ZNF512B: variants seen among roughly 807,000 people sequenced by gnomAD.
ZNF512B encodes zinc finger protein 512B.
ZNF512B carries 22 observed loss-of-function variants against 87.8 expected under a neutral mutation model. The ratio of observed to expected loss-of-function variants is 0.25; its 90% CI spans 0.18 to 0.36. ZNF512B has a LOEUF of 0.36. ZNF512B is among the 10% of genes least tolerant of loss of function. The pLI is 1.00. For missense variants in ZNF512B, 1,060 were observed against 1,231.6 expected (o/e 0.86, Z 2.09); for synonymous variants, 524 against 490.9 (o/e 1.07, Z -0.89).
chr20:63,961,855 C>T lies in ZNF512B; in HGVS notation c.2328+87G>A. 4 of 1,387,552 alleles carry T rather than the reference C, an allele frequency of 2.9e-6. No homozygotes were observed. Among genetic ancestry groups the T allele is most frequent in the African/African-American group, 2.9e-5 (2 of 69,780 alleles). The allele number at this position is 1,387,552 out of a possible 1,614,324, so 86.0% of individuals were successfully genotyped here. A position where few individuals can be genotyped will look rare whatever the true frequency, so the allele number is the denominator to read the frequency against. ...AAAAGTAGGGGACAAGGCAGGGTCC[C>T]TCACTACTGTGTGGGAAGCCCGCGT... On this transcript the variant is annotated intron_variant, in intron 15 of 16. Coordinates refer to ENST00000369888, the MANE Select transcript of ZNF512B (RefSeq NM_020713.3). This position sits in a 1 kb window ranked among gnomAD's most constrained non-coding sequence, Gnocchi z 6.4.
Position 63,967,947 on chromosome 20 carries a change from T to C in ZNF512B, c.4A>G (p.Thr2Ala). Residue 2 changes from threonine (T) to alanine (A), a missense_variant, in exon 2 of 17, where the codon ACG (threonine) becomes GCG (alanine). Transcript: ENST00000369888. ...CGGCCTCCAACGCAGAAAGGATCCGTCATCTCTGCAGAGCAAGTAGACAAT... is the reference window on the plus strand; with the variant it reads ...CGGCCTCCAACGCAGAAAGGATCCGCCATCTCTGCAGAGCAAGTAGACAAT... The part of the protein sequence containing the change: M[T>A]DPFCVGGRRL... 1 of 1,608,458 alleles carries C rather than the reference T, an allele frequency of 6.2e-7. No homozygotes were observed. Among genetic ancestry groups the C allele is most frequent in the Non-Finnish European group, 8.5e-7 (1 of 1,176,588 alleles).
chr20:63,967,133 T>C, intron 3 of ZNF512B, 129 bp from the exon 4 acceptor site: 2 of 1,429,526 alleles, frequency 1.4e-6, no homozygotes, highest in Non-Finnish European at 1.9e-6. Context: ...ACCTCGGGAC[T>C]GCAGTGGGAA....
At position 63,964,589 on chromosome 20, in the gene ZNF512B, A is replaced by G. The variant is rs1255402914; in HGVS notation, c.1162T>C (p.Ser388Pro). ...FQLSADTSSG[S>P]LSPGSRPSGG... is the part of the protein sequence containing the mutation. ...GACGGCCTGCTGCCTGGCGACAAGG[A>G]GCCACTGCTGGTGTCTGCACTCAGC... The change falls in exon 6 of 17, where the codon TCC becomes CCC. Residue 388 changes from serine (S) to proline (P), a missense_variant. Coordinates refer to ENST00000369888, the MANE Select transcript of ZNF512B (RefSeq NM_020713.3). 1.2e-6 allele frequency: 2 copies of G among 1,613,092 alleles called. No individual in the cohort carries two copies. Among genetic ancestry groups the G allele is most frequent in the Non-Finnish European group, 1.7e-6 (2 of 1,179,972 alleles).
In ZNF512B at chr20:63,963,420, G is replaced by C. The variant is rs1278298148; in HGVS notation, c.1719C>G (p.Ser573=). 1 of 1,548,624 alleles carries C rather than the reference G, an allele frequency of 6.5e-7. No homozygotes were observed. Among genetic ancestry groups the C allele is most frequent in the South Asian group, 1.2e-5 (1 of 85,046 alleles). ...CGCGCTCCTCCTGCTCGCCCCCTTC[G>C]GAGGCCTCGGCGTCAGAGGGCTGGG... ...HSAKPSDAEA[S]EGGEQEERER... is the part of the protein sequence containing the mutation. Residue 573 remains serine (S), a synonymous_variant, in exon 11 of 17, where the codon TCC becomes TCG. Coordinates refer to ENST00000369888, the MANE Select transcript of ZNF512B (RefSeq NM_020713.3).
chr20:63,962,954 G>A (rs1282057802), intron 12 of ZNF512B, 141 bp downstream of exon 12: 13 of 1,294,874 alleles, frequency 1.0e-5, no homozygotes, highest in Non-Finnish European at 1.0e-5. Flanking sequence ...CCGCCCACCA[G>A]GACACACGTC....
intron 14 of ZNF512B, 87 bp downstream of exon 14, chr20:63,962,186 T>G: frequency 6.9e-7 from 1 of 1,440,816 alleles, no homozygotes; most frequent in Non-Finnish European, 9.4e-7. Flanking sequence ...CTGAAAGCTC[T>G]CAGCCTCTGT....
chr20:63,964,686 A>G lies in ZNF512B; in HGVS notation c.1065T>C (p.Ile355=), dbSNP rs777879670. The change falls in exon 6 of 17, where the codon ATT becomes ATC. Residue 355 remains isoleucine (I), a synonymous_variant. Coordinates refer to ENST00000369888, the MANE Select transcript of ZNF512B (RefSeq NM_020713.3). ...TCTCTGGCCTGGCCTGCTTGGGTGGAATTGGGCAGGTGTCCAGGCTGTCCG... is the reference window on the plus strand; with the variant it reads ...TCTCTGGCCTGGCCTGCTTGGGTGGGATTGGGCAGGTGTCCAGGCTGTCCG... ...RAADSLDTCP[I]PPKQARPENG... is the part of the protein sequence containing the mutation. 5 of 1,611,614 alleles carry G rather than the reference A, an allele frequency of 3.1e-6. No homozygotes were observed. In the East Asian group the frequency reaches 1.1e-4, roughly 36 times the overall value.
Position 63,966,766 on chromosome 20 carries a change from G to T in ZNF512B, c.409C>A (p.Arg137Ser). 6.3e-7 allele frequency: 1 copy of T among 1,597,598 alleles called. No homozygotes were observed. Among genetic ancestry groups the T allele is most frequent in the Non-Finnish European group, 8.5e-7 (1 of 1,171,612 alleles). ...CAGAAGGGGCAGGGGAAGGCCAGGC[G>T]ATCTGAGATGGCACCCTGGGCAGGG... The part of the protein sequence containing the change: ...QRCQGGAISD[R>S]LAFPCPFCEA... The change falls in exon 5 of 17, where the codon CGC (arginine) becomes AGC (serine). Residue 137 changes from arginine (R) to serine (S), a missense_variant. Around this residue, in one of 9 missense-constraint regions of ZNF512B, gnomAD observed 32 missense variants for 68.0 expected, o/e 0.47. Coordinates refer to ENST00000369888, the MANE Select transcript of ZNF512B (RefSeq NM_020713.3).
Position 63,964,668 on chromosome 20 carries a change from C to A in ZNF512B, c.1083G>T (p.Arg361Ser), listed in dbSNP as rs746838910. ...DTCPIPPKQA[R>S]PENGEYGPSS... ...AGGGGCCGTACTCCCCATTCTCTGG[C>A]CTGGCCTGCTTGGGTGGAATTGGGC... The change falls in exon 6 of 17, where the codon AGG (arginine) becomes AGT (serine). Residue 361 changes from arginine (R) to serine (S), a missense_variant. Transcript: ENST00000369888. 1.9e-6 allele frequency: 3 copies of A among 1,612,058 alleles called. No individual in the cohort carries two copies. The highest frequency in any genetic ancestry group is 2.5e-6 in the Non-Finnish European group (3 of 1,179,926).
chr20:63,962,514 C>G, intron 13 of ZNF512B, 73 bp downstream of exon 13: 1 of 1,558,966 alleles, frequency 6.4e-7, no homozygotes. Flanking sequence ...AGTGGCTGTC[C>G]CAAGTCTCAG....
chr20:63,960,168 C>T (rs770073283), intron 16 of ZNF512B, 29 bp from the exon 17 acceptor site: 2 of 1,610,974 alleles, frequency 1.2e-6, no homozygotes, highest in South Asian at 2.2e-5. Flanking sequence ...TGATGAAGAC[C>T]TGGGACTGGA....
Position 63,966,993 on chromosome 20 carries a change from C to T in ZNF512B, c.276G>A (p.Met92Ile). Residue 92 changes from methionine to isoleucine, a missense_variant, in exon 4 of 17, where the codon ATG becomes ATA. Met to Ile is a conservative substitution (Grantham distance 10). Coordinates refer to ENST00000369888, the MANE Select transcript of ZNF512B (RefSeq NM_020713.3). Reference protein sequence around the residue: ...QALRDIPLSLMNDWKDEFKAH... With the variant: ...QALRDIPLSLINDWKDEFKAH... ...CCTTGAACTCATCCTTCCAGTCGTT[C>T]ATCAGGGAGAGCTAGGCGTGGGGAA... is the stretch of plus-strand genomic sequence containing the variant. 6.2e-7 allele frequency: 1 copy of T among 1,613,568 alleles called. No individual in the cohort carries two copies. The highest frequency in any genetic ancestry group is 1.3e-5 in the African/African-American group (1 of 75,060).
At chr20:63,962,556 G>T in intron 13 of ZNF512B, 31 bp downstream of exon 13, 1 of 1,590,210 alleles carries the variant, frequency 6.3e-7, no homozygotes. Flanking sequence ...AGGCCACGGC[G>T]CTGTCCACAG....
chr20:63,964,004 C>G, intron 8 of ZNF512B, 67 bp downstream of exon 8: 1 of 1,593,198 alleles, frequency 6.3e-7, no homozygotes, highest in Non-Finnish European at 8.5e-7. Flanking sequence ...ACTCAGCCCC[C>G]ATCCCTGTGC....
chr20:63,956,720 A>C lies in ZNF512B; in HGVS notation c.*3168T>G. On this transcript the variant is annotated 3_prime_UTR_variant, in exon 17 of 17. Transcript: ENST00000369888. Reference sequence around the variant, plus strand: ...CAAAAACCCTGGAAAAAAATCAATAAACATTTATTTGATACAGTCATTTTA... The same window carrying C: ...CAAAAACCCTGGAAAAAAATCAATACACATTTATTTGATACAGTCATTTTA... 1.1e-5 allele frequency: 2 copies of C among 181,570 alleles called. No individual in the cohort carries two copies. Among genetic ancestry groups the C allele is most frequent in the East Asian group, 1.4e-4 (1 of 7,038 alleles). 11.2% of individuals were successfully genotyped at this position (181,570 alleles called of 1,614,324 possible).
At position 63,962,296 on chromosome 20, in the gene ZNF512B, C is replaced by T. The variant is rs1194743833; in HGVS notation, c.2242G>A (p.Gly748Ser). ...ACGTCGTTGGGACAGTTGACGTGGC[C>T]TTTCTCCTTCACTTCATTCTTCCAT... is the stretch of plus-strand genomic sequence containing the variant. The part of the protein sequence containing the change: ...EAWKNEVKEK[G>S]HVNCPNDCCE... Residue 748 changes from glycine to serine, a missense_variant, in exon 14 of 17, where the codon GGC becomes AGC. This residue lies in a region of ZNF512B where 253 missense variants were observed against 259.2 expected (regional missense o/e 0.98). Coordinates refer to ENST00000369888, the MANE Select transcript of ZNF512B (RefSeq NM_020713.3). The T allele has an allele frequency of 6.2e-7, 1 of 1,612,398 alleles. No individual in the cohort carries two copies. Among genetic ancestry groups the T allele is most frequent in the Non-Finnish European group, 8.5e-7 (1 of 1,179,914 alleles).
chr20:63,960,452 C>T (rs1164838197), intron 16 of ZNF512B, among the ~76,000 whole-genome samples: 3 of 148,412 alleles, frequency 2.0e-5, no homozygotes, highest in Non-Finnish European at 4.5e-5. Flanking sequence ...CTGGACCAGG[C>T]AAGCACCTGC....
intron 1 of ZNF512B, 103 bp from the exon 2 acceptor site, chr20:63,968,055 G>A: frequency 7.1e-7 from 1 of 1,402,786 alleles, no homozygotes; most frequent in South Asian, 1.3e-5. Flanking sequence ...CTCTGGTCAG[G>A]GAAGAGGGGC....
Position 63,967,264 on chromosome 20 carries a change from G to T in ZNF512B, c.264+117C>A. On this transcript the variant is annotated intron_variant, in intron 3 of 16. Coordinates refer to ENST00000369888, the MANE Select transcript of ZNF512B (RefSeq NM_020713.3). ...GCCACGTGAAGTCTGCCAGGCCAGT[G>T]CCCACATCTTGAGGCATAGAGTTGG... 27 of 1,441,944 alleles carry T rather than the reference G, an allele frequency of 1.9e-5. No homozygotes were observed. In the South Asian group the frequency reaches 3.4e-4, roughly 18 times the overall value. 89.3% of individuals were successfully genotyped at this position (1,441,944 alleles called of 1,614,324 possible).
Sources: gnomAD v4.1 joint callset for allele counts (sites outside exome capture counted in the v4.1 genomes callset) on GRCh38, gnomAD v4.1.1 for gene constraint, gnomAD v4.1.1 regional missense constraint, Gnocchi (gnomAD v3.1) non-coding constraint, MANE v1.5 for transcripts, NCBI Gene and HGNC (gene_info 2026-07-23, HGNC 2026-07-21) for gene names.